The following TRPM3 variants were observed in gnomAD, a reference collection of about 807,000 sequenced individuals.
TRPM3 encodes the protein transient receptor potential cation channel subfamily M member 3.
Under a neutral mutation model 181.2 loss-of-function variants are expected in TRPM3, and 77 were observed. The observed-to-expected ratio is 0.42, with a 90% CI of 0.35 to 0.51. TRPM3 has a LOEUF of 0.51. Among genes scored for constraint, TRPM3 ranks in the 20% least tolerant of loss-of-function variants. The pLI is 0.01. For synonymous variants in TRPM3, 745 were observed against 796.4 expected (o/e 0.94, Z 1.09); for missense variants, 1,759 against 2,196.7 (o/e 0.80, Z 3.98).
chr9:71,226,758 TAG>T (rs1338824035), intron 1 of TRPM3, among the ~76,000 whole-genome samples: 5 of 152,018 alleles, frequency 3.3e-5, no homozygotes, highest in African/African-American at 1.2e-4. Flanking sequence ...TAGAGCTAGA[TAG>T]AGAGATAGAC....
chr9:70,790,187 G>A (rs1462449028), intron 6 of TRPM3, among the ~76,000 whole-genome samples: 1 of 152,084 alleles, frequency 6.6e-6, no homozygotes, highest in Non-Finnish European at 1.5e-5. Context: ...AGTGCGTATG[G>A]GTCTGAAGGA....
chr9:70,962,989 C>T (rs1401203013), intron 1 of TRPM3, among the ~76,000 whole-genome samples: 2 of 152,028 alleles, frequency 1.3e-5, no homozygotes, highest in Non-Finnish European at 2.9e-5. Context: ...GAAACACAAA[C>T]CAGTTGAGCC....
At position 70,777,264 on chromosome 9, in the gene TRPM3, C is replaced by T. The variant is rs372883446; in HGVS notation, c.1148+6841G>A. Among the ~76,000 whole-genome samples, 206 of 152,230 alleles carry T rather than the reference C, an allele frequency of 1.4e-3. 3 individuals carry two copies. The South Asian group carries it at 0.019, about 14-fold the overall frequency. On this transcript the variant is annotated intron_variant, in intron 7 of 25. Transcript: ENST00000677713. ...GGACACTCTTTCCTAAAGAGTTTTG[C>T]TCAACTCTTTAGAAAATAGTGTGGA...
chr9:70,853,732 C>T lies in TRPM3; in HGVS notation c.463-7141G>A, dbSNP rs543518639. On this transcript the variant is annotated intron_variant, in intron 3 of 25. Transcript: ENST00000677713. ...AGAATCATGCAAGTAGCACAAACAA[C>T]GGGTGGCTCTGGCCCTTGGATGTTG... 5.3e-5 allele frequency among the ~76,000 whole-genome samples: 8 copies of T among 152,302 alleles called. No homozygotes were observed. The East Asian group carries it at 5.8e-4, about 11-fold the overall frequency.
At chr9:71,316,478 G>T (rs2088601890) in intron 1 of TRPM3, among the ~76,000 whole-genome samples, 1 of 152,192 alleles carries the variant, frequency 6.6e-6, no homozygotes, top group South Asian at 2.1e-4. Context: ...CTGGAGAAAG[G>T]AAGATTATCT....
chr9:70,563,731 A>C (rs963230105), intron 22 of TRPM3, among the ~76,000 whole-genome samples: 16 of 152,188 alleles, frequency 1.1e-4, no homozygotes, highest in African/African-American at 3.9e-4. Context: ...AGGAAATGGG[A>C]GAGAGAGCAA....
At chr9:71,185,483 T>C (rs1219540021) in intron 1 of TRPM3, among the ~76,000 whole-genome samples, 2 of 152,240 alleles carry the variant, frequency 1.3e-5, no homozygotes, top group South Asian at 2.1e-4. Context: ...CTTTGTTTCT[T>C]TCTTGGCTGT....
intron 1 of TRPM3, among the ~76,000 whole-genome samples, chr9:70,893,316 T>C (rs757518405): frequency 1.3e-5 from 2 of 152,158 alleles, no homozygotes; most frequent in African/African-American, 4.8e-5. Context: ...GGTAATTCAC[T>C]TAAATGCTCT....
At chr9:70,833,030 T>C (rs1004814503) in intron 5 of TRPM3, among the ~76,000 whole-genome samples, 2 of 152,340 alleles carry the variant, frequency 1.3e-5, no homozygotes, top group East Asian at 3.9e-4. Context: ...TTTTGGACAA[T>C]AGTTTTTCCA....
At chr9:71,371,118 C>T (rs1301502901) in intron 1 of TRPM3, among the ~76,000 whole-genome samples, 1 of 152,004 alleles carries the variant, frequency 6.6e-6, no homozygotes, top group Non-Finnish European at 1.5e-5. Context: ...TGCACCTGGT[C>T]ACTCAAGAGC....
At chr9:71,302,351 TAAG>T (rs2086858352) in intron 1 of TRPM3, among the ~76,000 whole-genome samples, 1 of 152,164 alleles carries the variant, frequency 6.6e-6, no homozygotes, top group Non-Finnish European at 1.5e-5. Context: ...ACTATTTGAG[TAAG>T]AAGGACTACC....
intron 8 of TRPM3, among the ~76,000 whole-genome samples, chr9:70,744,703 G>A (rs1465211693): frequency 6.6e-6 from 1 of 152,142 alleles, no homozygotes; most frequent in Non-Finnish European, 1.5e-5. Context: ...AGGGGCAGAA[G>A]GTATTCCAAG....
rs561379502 is a variant in TRPM3, at chr9:71,003,047, T to A, written c.177+118131A>T. 6.6e-5 allele frequency among the ~76,000 whole-genome samples: 10 copies of A among 152,312 alleles called. No homozygotes were observed. The South Asian group carries it at 2.1e-3, about 32-fold the overall frequency. ...TTAAATATAAAACTAATCTACTGGC[T>A]TTTATATTTCTCTTTTTCTGGTCAT... On this transcript the variant is annotated intron_variant, in intron 1 of 25. Coordinates refer to ENST00000677713, the MANE Select transcript of TRPM3 (RefSeq NM_001366145.2).
At chr9:70,801,175 C>T (rs753733520) in intron 6 of TRPM3, among the ~76,000 whole-genome samples, 42 of 152,238 alleles carry the variant, frequency 2.8e-4, no homozygotes, top group Admixed American at 1.4e-3. Context: ...TATACAGTCA[C>T]TCTACCTTGC....
At chr9:71,103,351 G>C (rs2134086779) in intron 1 of TRPM3, among the ~76,000 whole-genome samples, 1 of 152,246 alleles carries the variant, frequency 6.6e-6, no homozygotes, top group South Asian at 2.1e-4. Flanking sequence ...TTGAGTGCCT[G>C]CTCTCTTATT....
intron 1 of TRPM3, among the ~76,000 whole-genome samples, chr9:70,995,447 G>C (rs1291613429): frequency 1.3e-5 from 2 of 152,004 alleles, no homozygotes; most frequent in African/African-American, 4.8e-5. Flanking sequence ...TCACCATTTT[G>C]ATTTCCAAAC....
chr9:70,593,764 G>A (rs889896637), intron 21 of TRPM3, among the ~76,000 whole-genome samples: 12 of 150,892 alleles, frequency 8.0e-5, no homozygotes, highest in African/African-American at 2.2e-4. Flanking sequence ...TTATCCAGTC[G>A]GTTCAATATT....
intron 1 of TRPM3, among the ~76,000 whole-genome samples, chr9:71,106,776 A>G (rs1363238045): frequency 6.6e-6 from 1 of 152,198 alleles, no homozygotes. Context: ...GGATGAAAAC[A>G]TTTTAAAACG....
chr9:71,414,617 T>G (rs2093609791), intron 1 of TRPM3, among the ~76,000 whole-genome samples: 1 of 152,064 alleles, frequency 6.6e-6, no homozygotes, highest in Non-Finnish European at 1.5e-5. Flanking sequence ...TAAGTTGGAC[T>G]GTCAGGGAAA....
Sources: gnomAD v4.1 joint callset for allele counts (sites outside exome capture counted in the v4.1 genomes callset) on GRCh38, gnomAD v4.1.1 for gene constraint, MANE v1.5 for transcripts, NCBI Gene and HGNC (gene_info 2026-07-23, HGNC 2026-07-21) for gene names.